The following CFAP221 variants were observed in gnomAD, a reference collection of about 807,000 sequenced individuals.
CFAP221 encodes cilia and flagella associated protein 221.
In CFAP221, 97 loss-of-function variants were observed where a neutral mutation model predicts 113.1. The ratio of observed to expected loss-of-function variants is 0.86; its 90% CI spans 0.73 to 1.02. The LOEUF is 1.02. Among genes scored for constraint, CFAP221 ranks in the 50% least tolerant of loss-of-function variants. CFAP221 has a pLI of 0.00. For missense variants in CFAP221, 1,025 were observed against 1,013.4 expected (o/e 1.01, Z -0.16); for synonymous variants, 331 against 354.4 (o/e 0.93, Z 0.74).
chr2:119,646,178 TAAG>T (rs1201044979), intron 21 of CFAP221, among the ~76,000 whole-genome samples: 1 of 152,148 alleles, frequency 6.6e-6, no homozygotes, highest in Non-Finnish European at 1.5e-5. Flanking sequence ...ATAGAATGTC[TAAG>T]AAGGAGTATA....
chr2:119,545,975 G>A (rs932698634), intron 1 of CFAP221, 110 bp from the exon 2 acceptor site: 18 of 733,356 alleles, frequency 2.5e-5, no homozygotes, highest in African/African-American at 2.0e-4. Context: ...GAGCCAGGGA[G>A]GGCATGAACC....
At chr2:119,626,582 G>A (rs180938563) in intron 15 of CFAP221, among the ~76,000 whole-genome samples, 126 of 152,230 alleles carry the variant, frequency 8.3e-4, no homozygotes, top group Admixed American at 2.1e-3. Context: ...TCTCAACCTA[G>A]CATTTGCACA....
chr2:119,569,425 A>G (rs771314618), intron 6 of CFAP221, among the ~76,000 whole-genome samples: 1 of 151,884 alleles, frequency 6.6e-6, no homozygotes, highest in African/African-American at 2.4e-5. Flanking sequence ...CCTTCTTTCA[A>G]TATTTTTTTT....
chr2:119,617,857 T>C (rs1429119053), intron 14 of CFAP221, among the ~76,000 whole-genome samples: 3 of 152,246 alleles, frequency 2.0e-5, no homozygotes, highest in Admixed American at 1.3e-4. Flanking sequence ...CCAGGTCACA[T>C]CGGATTTCTC....
At chr2:119,561,650 T>A (rs561878833) in intron 5 of CFAP221, among the ~76,000 whole-genome samples, 3 of 152,238 alleles carry the variant, frequency 2.0e-5, no homozygotes, top group Non-Finnish European at 4.4e-5. Flanking sequence ...TATTCTGTGC[T>A]GTCTGGATCA....
At chr2:119,600,102 T>G (rs1285415511) in intron 7 of CFAP221, among the ~76,000 whole-genome samples, 1 of 152,114 alleles carries the variant, frequency 6.6e-6, no homozygotes, top group Admixed American at 6.5e-5. Context: ...CTAAGAGCCT[T>G]CAGTGGAAGT....
At chr2:119,647,926 G>T (rs901430432) in intron 22 of CFAP221, among the ~76,000 whole-genome samples, 1 of 152,118 alleles carries the variant, frequency 6.6e-6, no homozygotes, top group Non-Finnish European at 1.5e-5. Flanking sequence ...GTATAGAATA[G>T]TGTGATGAAG....
chr2:119,620,857 G>A (rs1200738689), intron 14 of CFAP221, among the ~76,000 whole-genome samples: 1 of 151,928 alleles, frequency 6.6e-6, no homozygotes. Flanking sequence ...CATCTCACAT[G>A]CAGAGACACA....
At chr2:119,590,420 G>T (rs1301890468) in intron 7 of CFAP221, among the ~76,000 whole-genome samples, 3 of 152,124 alleles carry the variant, frequency 2.0e-5, no homozygotes, top group Non-Finnish European at 4.4e-5. Flanking sequence ...AGCAAAGAAT[G>T]AATCCCCATC....
At chr2:119,640,998 G>A (rs550408954) in intron 21 of CFAP221, among the ~76,000 whole-genome samples, 119 of 152,282 alleles carry the variant, frequency 7.8e-4, no homozygotes, top group Non-Finnish European at 1.5e-3. Flanking sequence ...AACTTGTAGT[G>A]TACAAGTGCA....
At position 119,601,121 on chromosome 2, in the gene CFAP221, A is replaced by G. The variant is rs1684335625; in HGVS notation, c.632-97A>G. The G allele has an allele frequency of 3.2e-6, 4 of 1,239,786 alleles. No homozygotes were observed. The East Asian group carries it at 1.1e-4, about 33-fold the overall frequency. 76.8% of individuals were successfully genotyped at this position (1,239,786 alleles called of 1,614,324 possible). On this transcript the variant is annotated intron_variant, in intron 7 of 23. Transcript: ENST00000413369. ...GGGAGTCAGTGCCCCTAATCTCCAC[A>G]TTGTCAGAGGGTCAGCCATATTTGT...
chr2:119,610,722 T>C (rs956330194), intron 12 of CFAP221, among the ~76,000 whole-genome samples: 8 of 152,142 alleles, frequency 5.3e-5, no homozygotes. Flanking sequence ...GATTAGGGTG[T>C]TAATGTGATG....
chr2:119,649,922 A>G (rs537994891), intron 22 of CFAP221, among the ~76,000 whole-genome samples: 3 of 152,338 alleles, frequency 2.0e-5, no homozygotes, highest in South Asian at 4.1e-4. Context: ...TTGTTCAAAA[A>G]TGTTTTCATT....
downstream of CFAP221, among the ~76,000 whole-genome samples, chr2:119,657,390 G>A (rs1448453370): frequency 6.6e-6 from 1 of 152,154 alleles, no homozygotes; most frequent in African/African-American, 2.4e-5. Context: ...ACATGGGGTT[G>A]TGAGGATTCA....
At chr2:119,657,809 G>A (rs770291464), downstream of CFAP221, among the ~76,000 whole-genome samples, 1 of 152,182 alleles carries the variant, frequency 6.6e-6, no homozygotes, top group Non-Finnish European at 1.5e-5. Context: ...TTCAGAGTGT[G>A]TGTGTGTCTA....
intron 8 of CFAP221, among the ~76,000 whole-genome samples, chr2:119,603,831 A>T (rs1684527740): frequency 6.6e-6 from 1 of 152,256 alleles, no homozygotes; most frequent in Non-Finnish European, 1.5e-5. Flanking sequence ...CTTCAAAGGT[A>T]GCATTTCTGA....
chr2:119,583,816 G>A (rs1253387609), intron 6 of CFAP221, among the ~76,000 whole-genome samples: 1 of 152,148 alleles, frequency 6.6e-6, no homozygotes, highest in Non-Finnish European at 1.5e-5. Context: ...GGAGAGCTTC[G>A]TAGCCCCTTC....
intron 22 of CFAP221, among the ~76,000 whole-genome samples, chr2:119,649,830 G>C (rs945930410): frequency 5.3e-5 from 8 of 152,212 alleles, no homozygotes; most frequent in African/African-American, 1.9e-4. Context: ...GCAAGAAAGA[G>C]GGGGAAGAGC....
intron 19 of CFAP221, among the ~76,000 whole-genome samples, chr2:119,636,652 C>G (rs1687131747): frequency 6.6e-6 from 1 of 152,094 alleles, no homozygotes; most frequent in South Asian, 2.1e-4. Flanking sequence ...TCACAAAAGC[C>G]AGAAACAAGG....
Sources: gnomAD v4.1 joint callset for allele counts (sites outside exome capture counted in the v4.1 genomes callset) on GRCh38, gnomAD v4.1.1 for gene constraint, MANE v1.5 for transcripts, NCBI Gene and HGNC (gene_info 2026-07-23, HGNC 2026-07-21) for gene names.